The following ABLIM2 variants were observed in gnomAD, a reference collection of about 807,000 sequenced individuals.
ABLIM2 encodes the protein actin binding LIM protein family member 2.
A neutral mutation model predicts 97.7 loss-of-function variants in ABLIM2; 53 were observed. That is an observed-to-expected ratio of 0.54 (90% CI 0.44 to 0.68). ABLIM2 has a LOEUF of 0.68. Among genes scored for constraint, ABLIM2 ranks in the 30% least tolerant of loss-of-function variants. The pLI is 0.00. For synonymous variants in ABLIM2, 361 were observed against 345.8 expected, an observed-to-expected ratio of 1.04 and a Z score of -0.49; for missense variants, 835 against 867.2, an observed-to-expected ratio of 0.96 and a Z score of 0.47.
intron 1 of ABLIM2, among the ~76,000 whole-genome samples, chr4:8,121,610 G>A (rs567524345): frequency 1.2e-4 from 18 of 152,302 alleles, no homozygotes; most frequent in Admixed American, 8.5e-4. Context: ...ACCAAGGCTC[G>A]GGTCTGCAGG....
Position 8,127,490 on chromosome 4 carries a change from T to A in ABLIM2, c.11-20853A>T. 7.8e-7 allele frequency: 1 copy of A among 1,289,222 alleles called. No homozygotes were observed. 79.9% of individuals were successfully genotyped at this position (1,289,222 alleles called of 1,614,324 possible). ...CTCCCAGTCCCCTGAAGCTGACTCA[T>A]GGAGCTCACGGCTCCCAGCCGGATG... is the stretch of plus-strand genomic sequence containing the variant. On this transcript the variant is annotated intron_variant, in intron 1 of 20. Coordinates refer to ENST00000447017, the MANE Select transcript of ABLIM2 (RefSeq NM_001130083.2). This position sits in a 1 kb window ranked among gnomAD's most constrained non-coding sequence, Gnocchi z 7.3.
intron 4 of ABLIM2, among the ~76,000 whole-genome samples, chr4:8,081,146 G>A (rs1164912182): frequency 1.3e-5 from 2 of 152,046 alleles, no homozygotes; most frequent in East Asian, 1.9e-4. Flanking sequence ...ACTGTGACTC[G>A]ATGTGCCCCC....
intron 16 of ABLIM2, among the ~76,000 whole-genome samples, chr4:7,993,459 A>AAATCACTTGAGGCCAGGAGTTC (rs2149980044): frequency 6.6e-6 from 1 of 152,318 alleles, no homozygotes; most frequent in Non-Finnish European, 1.5e-5. Flanking sequence ...CAAGGTGGGA[A>AAATCACTTGAGGCCAGGAGTTC]AATCACTTGA....
intron 17 of ABLIM2, among the ~76,000 whole-genome samples, chr4:7,988,224 C>A (rs1274876891): frequency 6.6e-6 from 1 of 151,960 alleles, no homozygotes; most frequent in Non-Finnish European, 1.5e-5. Flanking sequence ...GGTTTCACCA[C>A]GTTGGCCAGG....
In ABLIM2 at chr4:8,148,374, A is replaced by C. The variant is rs1852165152; in HGVS notation, c.10+10306T>G. ...ATTCCAGAGGGGGCTCTGGGCCTAC[A>C]GTGAAGCAGGGCCCACAGGAGGTGA... On this transcript the variant is annotated intron_variant, in intron 1 of 20. Coordinates refer to ENST00000447017, the MANE Select transcript of ABLIM2 (RefSeq NM_001130083.2). The surrounding 1 kb of genome is among the most constrained non-coding windows in gnomAD (Gnocchi z 6.7). Among the ~76,000 whole-genome samples, 1 of 152,166 alleles carries C rather than the reference A, an allele frequency of 6.6e-6. No homozygotes were observed. The highest frequency in any genetic ancestry group is 6.5e-5 in the Admixed American group (1 of 15,282).
intron 1 of ABLIM2, among the ~76,000 whole-genome samples, chr4:8,142,421 T>C (rs1240417349): frequency 6.6e-6 from 1 of 152,192 alleles, no homozygotes; most frequent in East Asian, 1.9e-4. Flanking sequence ...ACTCTCCACC[T>C]TCGGGCACAG....
rs746617490 is a variant in ABLIM2, at chr4:8,004,551, G to A, written c.1618+3508C>T. On this transcript the variant is annotated intron_variant, in intron 16 of 20. Transcript: ENST00000447017. This position sits in a 1 kb window ranked among gnomAD's most constrained non-coding sequence, Gnocchi z 5.9. ...CCGGGGGTTTGTATTATGCTGACAC[G>A]CCTCTGACCTTCGAGGGTGGGACGT... Among the ~76,000 whole-genome samples the A allele has an allele frequency of 2.2e-4, 33 of 152,250 alleles. No homozygotes were observed. The highest frequency in any genetic ancestry group is 7.2e-4 in the African/African-American group (30 of 41,550).
Position 8,020,312 on chromosome 4 carries a change from G to A in ABLIM2, c.1268-9C>T, listed in dbSNP as rs375330500. The stretch of plus-strand genomic sequence containing the variant: ...CCGGCCACTTTCACTGCCTCCAGAC[G>A]GAAGGGCAAAGGCAGCAGATAGAAG... On this transcript the variant is annotated splice_polypyrimidine_tract_variant and intron_variant, in intron 12 of 20. Coordinates refer to ENST00000447017, the MANE Select transcript of ABLIM2 (RefSeq NM_001130083.2). 39 of 1,611,402 alleles carry A rather than the reference G, an allele frequency of 2.4e-5. No individual in the cohort carries two copies. In the East Asian group the frequency reaches 4.0e-4, roughly 17 times the overall value.
At chr4:7,977,790 C>CAATAAATAAATAAATA (rs10660218) in intron 20 of ABLIM2, among the ~76,000 whole-genome samples, 3,345 of 142,210 alleles carry the variant, frequency 0.024, 59 homozygotes, top group Non-Finnish European at 0.031. Flanking sequence ...GACTCTGTCT[C>CAATAAATAAATAAATA]AATAAATAAA....
intron 12 of ABLIM2, among the ~76,000 whole-genome samples, chr4:8,025,717 G>T (rs1354872018): frequency 6.6e-6 from 1 of 152,196 alleles, no homozygotes; most frequent in Non-Finnish European, 1.5e-5. Context: ...GGGGAGCGGG[G>T]TGAGCCTGCC....
intron 17 of ABLIM2, among the ~76,000 whole-genome samples, chr4:7,987,455 C>T (rs1745195112): frequency 6.6e-6 from 1 of 151,822 alleles, no homozygotes; most frequent in South Asian, 2.1e-4. Flanking sequence ...TTCTTAGTCT[C>T]AGACTACCAT....
At chr4:7,983,417 G>A in intron 19 of ABLIM2, 73 bp from the exon 20 acceptor site, 1 of 1,579,060 alleles carries the variant, frequency 6.3e-7, no homozygotes, top group Non-Finnish European at 8.6e-7. Context: ...TGAGCAGAAG[G>A]TCACCGAGAA....
rs939062814 is a variant in ABLIM2 at position 8,019,011 on chromosome 4, T to C, written c.1423+607A>G. Among the ~76,000 whole-genome samples the C allele has an allele frequency of 1.3e-5, 2 of 152,138 alleles. No homozygotes were observed. Among genetic ancestry groups the C allele is most frequent in the African/African-American group, 4.8e-5 (2 of 41,420 alleles). On this transcript the variant is annotated intron_variant, in intron 14 of 20. Transcript: ENST00000447017. This position sits in a 1 kb window ranked among gnomAD's most constrained non-coding sequence, Gnocchi z 4.3. ...CCAGGAGGAAAGAGAGGGGAGACCA[T>C]GTGGCCCCGATTCCTGCTCCATGGC...
Position 8,054,128 on chromosome 4 carries a change from T to TCCACTTAACC in ABLIM2, c.822+59_822+60insGGTTAAGTGG. On this transcript the variant is annotated intron_variant, in intron 8 of 20. Coordinates refer to ENST00000447017, the MANE Select transcript of ABLIM2 (RefSeq NM_001130083.2). The surrounding 1 kb of genome is among the most constrained non-coding windows in gnomAD (Gnocchi z 4.9). ...AATCTGGTCAGTGTCCTCTTAACTGTACAAAGATGGTGCAGGAGCAGTGAA... is the reference window on the plus strand; with the variant it reads ...AATCTGGTCAGTGTCCTCTTAACTGTCCACTTAACCACAAAGATGGTGCAGGAGCAGTGAA... The TCCACTTAACC allele has an allele frequency of 6.3e-7, 1 of 1,578,142 alleles. No individual in the cohort carries two copies. Among genetic ancestry groups the TCCACTTAACC allele is most frequent in the Non-Finnish European group, 8.7e-7 (1 of 1,147,544 alleles).
At chr4:7,994,076 CATTCTTT>C in intron 16 of ABLIM2, 2 of 99,970 alleles carry the variant, frequency 2.0e-5, no homozygotes, top group Non-Finnish European at 4.2e-5. Flanking sequence ...CCCAGGGAAG[CATTCTTT>C]TTTTTTTTTT....
intron 20 of ABLIM2, among the ~76,000 whole-genome samples, chr4:7,977,412 CACAT>C (rs1346378035): frequency 2.0e-5 from 3 of 152,176 alleles, no homozygotes; most frequent in Non-Finnish European, 4.4e-5. Flanking sequence ...CAGGTATACA[CACAT>C]ACACACACAT....
At chr4:8,038,110 T>G (rs1294747498) in intron 9 of ABLIM2, among the ~76,000 whole-genome samples, 1 of 152,204 alleles carries the variant, frequency 6.6e-6, no homozygotes, top group Non-Finnish European at 1.5e-5. Context: ...CATGATGAGC[T>G]GTCTACCCCG....
chr4:8,046,653 C>T lies in ABLIM2; in HGVS notation c.823-1412G>A, dbSNP rs957118797. Among the ~76,000 whole-genome samples the T allele has an allele frequency of 1.3e-5, 2 of 152,222 alleles. No individual in the cohort carries two copies. The highest frequency in any genetic ancestry group is 2.4e-5 in the African/African-American group (1 of 41,444). On this transcript the variant is annotated intron_variant, in intron 8 of 20. Coordinates refer to ENST00000447017, the MANE Select transcript of ABLIM2 (RefSeq NM_001130083.2). This position sits in a 1 kb window ranked among gnomAD's most constrained non-coding sequence, Gnocchi z 4.4. ...CCATTTCAGGGGCCCATCCATGCAG[C>T]GGTGCCTGCAGCCCAGGAGGCACCA...
In ABLIM2 at chr4:8,061,931, G is replaced by A. The variant is rs979021485; in HGVS notation, c.676-877C>T. On this transcript the variant is annotated intron_variant, in intron 6 of 20. Transcript: ENST00000447017. This position sits in a 1 kb window ranked among gnomAD's most constrained non-coding sequence, Gnocchi z 4.5. ...CCTTCCCTAGGATGAAAACAGCCCC[G>A]AGATGGCCCCTGTGTATTGGGAGGA... Among the ~76,000 whole-genome samples, 9 of 152,158 alleles carry A rather than the reference G, an allele frequency of 5.9e-5. No homozygotes were observed. Among genetic ancestry groups the A allele is most frequent in the African/African-American group, 1.2e-4 (5 of 41,432 alleles).
Sources: gnomAD v4.1 joint callset for allele counts (sites outside exome capture counted in the v4.1 genomes callset) on GRCh38, gnomAD v4.1.1 for gene constraint, Gnocchi (gnomAD v3.1) non-coding constraint, MANE v1.5 for transcripts, NCBI Gene and HGNC (gene_info 2026-07-23, HGNC 2026-07-21) for gene names.